The following PCNX1 variants were observed in gnomAD, a reference collection of about 807,000 sequenced individuals.
PCNX1 encodes the protein pecanex-like protein 1.
In PCNX1, 78 loss-of-function variants were observed where a neutral mutation model predicts 242.2. The ratio of observed to expected loss-of-function variants is 0.32; its 90% confidence interval spans 0.27 to 0.39. The LOEUF is 0.39. Among genes scored for constraint, PCNX1 ranks in the 10% least tolerant of loss-of-function variants. The pLI is 1.00. For missense variants in PCNX1, 2,581 were observed against 2,856.5 expected, an observed-to-expected ratio of 0.90 and a Z score of 2.20; for synonymous variants, 1,024 against 1,032.9, an observed-to-expected ratio of 0.99 and a Z score of 0.17.
At chr14:71,015,170 T>A (rs895633363) in intron 11 of PCNX1, among the ~76,000 whole-genome samples, 2 of 152,272 alleles carry the variant, frequency 1.3e-5, no homozygotes, top group Non-Finnish European at 2.9e-5. Context: ...AGAATTCTTA[T>A]GAGCAGACCC....
chr14:70,988,379 TTAAA>T (rs2059059364), intron 6 of PCNX1, among the ~76,000 whole-genome samples, 184 bp from the exon 7 acceptor site: 1 of 152,224 alleles, frequency 6.6e-6, no homozygotes, highest in African/African-American at 2.4e-5. Flanking sequence ...ACAATTTTCT[TTAAA>T]TAAATGACAG....
At chr14:71,039,650 T>C (rs767046290) in intron 19 of PCNX1, among the ~76,000 whole-genome samples, 1 of 152,186 alleles carries the variant, frequency 6.6e-6, no homozygotes, top group Non-Finnish European at 1.5e-5. Context: ...GCAAGGATCA[T>C]GGGAAGCATT....
At chr14:70,982,126 T>A (rs1270731401) in intron 6 of PCNX1, among the ~76,000 whole-genome samples, 1 of 152,200 alleles carries the variant, frequency 6.6e-6, no homozygotes, top group Non-Finnish European at 1.5e-5. Flanking sequence ...ACACATAAAT[T>A]GAAGGTGTGT....
chr14:70,952,269 A>C (rs527531586), intron 2 of PCNX1, among the ~76,000 whole-genome samples: 1 of 152,142 alleles, frequency 6.6e-6, no homozygotes, highest in Non-Finnish European at 1.5e-5. Context: ...TTTACTTTAA[A>C]AATTTTTTAT....
chr14:71,054,142 T>C (rs946581615), intron 24 of PCNX1, among the ~76,000 whole-genome samples: 9 of 152,214 alleles, frequency 5.9e-5, no homozygotes, highest in African/African-American at 2.2e-4. Flanking sequence ...CTTTGATCTT[T>C]CACTGAAACC....
chr14:71,046,920 A>G (rs2060877296), intron 20 of PCNX1, 44 bp from the exon 21 acceptor site: 2 of 1,510,252 alleles, frequency 1.3e-6, no homozygotes, highest in Admixed American at 2.0e-5. Context: ...TTGACAAACT[A>G]TACATTTGAT....
rs1566816940 is a variant in PCNX1, at chr14:71,111,027, T to TATTA, written c.*1093_*1096dup. On this transcript the variant is annotated 3_prime_UTR_variant, in exon 36 of 36. Coordinates refer to ENST00000304743, the MANE Select transcript of PCNX1 (RefSeq NM_014982.3). ...AATAAAAGTATCCAAGTGGTGCAGT[T>TATTA]ATTATTATATCCCTCTTTAATAATT... 6.6e-6 allele frequency: 1 copy of TATTA among 152,588 alleles called. No individual in the cohort carries two copies. The highest frequency in any genetic ancestry group is 2.4e-5 in the African/African-American group (1 of 41,452). The allele number at this position is 152,588 out of a possible 1,614,324, so 9.5% of individuals were successfully genotyped here.
intron 23 of PCNX1, among the ~76,000 whole-genome samples, 183 bp downstream of exon 23, chr14:71,050,943 C>T (rs986625699): frequency 2.6e-5 from 4 of 151,808 alleles, no homozygotes; most frequent in Middle Eastern, 3.2e-3. Context: ...CCGAGGCGGG[C>T]GGATCACCTG....
At chr14:71,031,940 C>T in intron 16 of PCNX1, 1 of 1,398,666 alleles carries the variant, frequency 7.1e-7, no homozygotes, top group Non-Finnish European at 1.0e-6. Context: ...CGGAACTCCC[C>T]AAAGGCAAAC....
intron 26 of PCNX1, among the ~76,000 whole-genome samples, chr14:71,068,386 G>A (rs1201296993): frequency 6.7e-6 from 1 of 149,454 alleles, no homozygotes; most frequent in Non-Finnish European, 1.5e-5. Context: ...ATATATGTGT[G>A]TATATTTATG....
rs2058739978 is a variant in PCNX1, at chr14:70,978,284, T to C, written c.1947T>C (p.His649=). 10 of 1,614,056 alleles carry C rather than the reference T, an allele frequency of 6.2e-6. No individual in the cohort carries two copies. Among genetic ancestry groups the C allele is most frequent in the Non-Finnish European group, 8.5e-6 (10 of 1,180,002 alleles). Residue 649 remains histidine (H), a synonymous_variant, in exon 6 of 36, where the codon CAT becomes CAC. Coordinates refer to ENST00000304743, the MANE Select transcript of PCNX1 (RefSeq NM_014982.3). ...RYSALKTKHT[H]KERGTDSEHT... Reference sequence around the variant, plus strand: ...GTGCTCTAAAGACCAAACACACTCATAAAGAAAGGGGCACAGACTCTGAAC... The same window carrying C: ...GTGCTCTAAAGACCAAACACACTCACAAAGAAAGGGGCACAGACTCTGAAC...
At position 71,051,150 on chromosome 14, in the gene PCNX1, G is replaced by A. The variant is rs953568719; in HGVS notation, c.4447+390G>A. Among the ~76,000 whole-genome samples the A allele has an allele frequency of 2.8e-4, 31 of 110,930 alleles. No individual in the cohort carries two copies. In the Admixed American group the frequency reaches 3.5e-3, roughly 13 times the overall value. 72.8% of individuals were successfully genotyped at this position (110,930 alleles called of 152,430 possible). On this transcript the variant is annotated intron_variant, in intron 23 of 35. Transcript: ENST00000304743. Reference sequence around the variant, plus strand: ...GCCATTGCACTCCAGCCTGGGCAACGAGAGCAAAACTCTGTCTCAAAAAAA... The same window carrying A: ...GCCATTGCACTCCAGCCTGGGCAACAAGAGCAAAACTCTGTCTCAAAAAAA...
chr14:71,035,533 G>A (rs139548502), intron 18 of PCNX1, among the ~76,000 whole-genome samples: 154 of 151,826 alleles, frequency 1.0e-3, no homozygotes, highest in African/African-American at 3.3e-3. Context: ...CAAGATGGGC[G>A]TATATCACTT....
intron 19 of PCNX1, among the ~76,000 whole-genome samples, chr14:71,040,411 G>C (rs868191106): frequency 6.6e-6 from 1 of 152,062 alleles, no homozygotes; most frequent in South Asian, 2.1e-4. Flanking sequence ...TTAGAAATTT[G>C]ATTATGATGT....
chr14:71,074,990 C>CTTTTTTTTTT (rs900279128), intron 27 of PCNX1, among the ~76,000 whole-genome samples: 13 of 101,090 alleles, frequency 1.3e-4, no homozygotes, highest in Admixed American at 2.3e-4. Context: ...CTTTTCTTCT[C>CTTTTTTTTTT]TTTTTTTTTT....
intron 5 of PCNX1, among the ~76,000 whole-genome samples, chr14:70,974,668 A>G (rs7154437): frequency 0.51 from 78,083 of 151,988 alleles, 20,665 homozygotes; most frequent in East Asian, 0.74. Context: ...TACCTTCAAG[A>G]TAAGAATACC....
At chr14:71,100,631 A>G (rs1220728790) in intron 30 of PCNX1, among the ~76,000 whole-genome samples, 3 of 152,064 alleles carry the variant, frequency 2.0e-5, no homozygotes, top group South Asian at 2.1e-4. Flanking sequence ...CTGGATGTCC[A>G]CCTTTCTAGC....
At chr14:70,917,226 G>A (rs1050800896) in intron 1 of PCNX1, among the ~76,000 whole-genome samples, 2 of 152,080 alleles carry the variant, frequency 1.3e-5, no homozygotes, top group African/African-American at 4.8e-5. Context: ...CAAACACCTT[G>A]TCAATGTTAA....
At chr14:71,068,943 T>C (rs2061524081) in intron 26 of PCNX1, among the ~76,000 whole-genome samples, 1 of 152,114 alleles carries the variant, frequency 6.6e-6, no homozygotes, top group Admixed American at 6.6e-5. Context: ...TATATTAGTC[T>C]GTTCTCACAC....
Sources: gnomAD v4.1 joint callset for allele counts (sites outside exome capture counted in the v4.1 genomes callset) on GRCh38, gnomAD v4.1.1 for gene constraint, MANE v1.5 for transcripts, NCBI Gene and HGNC (gene_info 2026-07-23, HGNC 2026-07-21) for gene names.